Variants in DGKB observed in about 807,000 individuals in gnomAD.
DGKB encodes diacylglycerol kinase beta, also known as 90 kDa diacylglycerol kinase.
Under a neutral mutation model 114.3 loss-of-function variants are expected in DGKB, and 67 were observed. The observed-to-expected ratio is 0.59, with a 90% CI of 0.48 to 0.72. The LOEUF (loss-of-function observed/expected upper bound fraction) is 0.72, where lower values mean the gene tolerates loss of function less well. DGKB is among the 30% of genes least tolerant of loss of function. The pLI is 0.00. For synonymous variants in DGKB, 398 were observed against 323.1 expected, an observed-to-expected ratio of 1.23 and a Z score of -2.49; for missense variants, 907 against 975.2, an observed-to-expected ratio of 0.93 and a Z score of 0.93.
At chr7:14,575,937 T>C (rs1245017985) in intron 19 of DGKB, among the ~76,000 whole-genome samples, 1 of 152,140 alleles carries the variant, frequency 6.6e-6, no homozygotes, top group Non-Finnish European at 1.5e-5. Flanking sequence ...TTAAGGTGTA[T>C]CTGTTCAATT....
chr7:14,408,000 C>A (rs1319202150), intron 21 of DGKB, among the ~76,000 whole-genome samples: 1 of 152,106 alleles, frequency 6.6e-6, no homozygotes, highest in Non-Finnish European at 1.5e-5. Flanking sequence ...TCCTCACAAA[C>A]CATAAATAGC....
intron 2 of DGKB, among the ~76,000 whole-genome samples, chr7:14,783,386 C>G (rs1031901358): frequency 2.0e-5 from 3 of 152,164 alleles, no homozygotes; most frequent in East Asian, 1.9e-4. Flanking sequence ...TTACTGATCA[C>G]AAGATATTTC....
chr7:14,431,172 C>T (rs1367775), intron 21 of DGKB, among the ~76,000 whole-genome samples: 17,223 of 152,042 alleles, frequency 0.11, 1,172 homozygotes, highest in East Asian at 0.28. Flanking sequence ...TTCTGCATGA[C>T]TGATTGACTT....
chr7:14,246,621 G>A (rs1794517831), intron 23 of DGKB, among the ~76,000 whole-genome samples: 1 of 152,044 alleles, frequency 6.6e-6, no homozygotes, highest in Non-Finnish European at 1.5e-5. Flanking sequence ...AAGAAACTTT[G>A]GGTAACTTTA....
intron 20 of DGKB, among the ~76,000 whole-genome samples, chr7:14,567,091 C>A (rs1797508200): frequency 1.8e-5 from 2 of 113,706 alleles, no homozygotes; most frequent in East Asian, 2.3e-4. Flanking sequence ...AAAAATTATC[C>A]ATTTATATAT....
At chr7:14,273,466 T>C (rs1273801335) in intron 23 of DGKB, among the ~76,000 whole-genome samples, 1 of 152,218 alleles carries the variant, frequency 6.6e-6, no homozygotes, top group Admixed American at 6.5e-5. Context: ...ATGATGTACA[T>C]ATGTAGTTTA....
intron 2 of DGKB, among the ~76,000 whole-genome samples, chr7:14,837,365 T>G (rs1304740025): frequency 6.6e-6 from 1 of 152,180 alleles, no homozygotes; most frequent in Non-Finnish European, 1.5e-5. Context: ...ACAATTATCT[T>G]TATGGTATTC....
chr7:14,784,584 C>T (rs1338949992), intron 2 of DGKB, among the ~76,000 whole-genome samples: 1 of 151,936 alleles, frequency 6.6e-6, no homozygotes, highest in Non-Finnish European at 1.5e-5. Context: ...GTTATGTTGG[C>T]CAGATTAGTC....
At position 14,946,551 on chromosome 7, in the gene DGKB, A is replaced by G. The variant is rs76638372; in HGVS notation, c.-188+28145T>C. On this transcript the variant is annotated intron_variant, in intron 1 of 4. Transcript: ENST00000437998. ...CTACCTTTTAAGATAACATAGTTCA[A>G]TAACAGCATCCTTGTCCCCACTTAC... 1.1e-3 allele frequency among the ~76,000 whole-genome samples: 161 copies of G among 151,906 alleles called. 2 individuals are homozygous for G. The East Asian group carries it at 0.028, about 27-fold the overall frequency.
chr7:14,565,098 C>A (rs1797197240), intron 20 of DGKB, among the ~76,000 whole-genome samples: 1 of 152,030 alleles, frequency 6.6e-6, no homozygotes, highest in African/African-American at 2.4e-5. Flanking sequence ...ATGTGATATT[C>A]TTTGGCTAAT....
intron 17 of DGKB, among the ~76,000 whole-genome samples, chr7:14,605,457 A>T (rs1804321387): frequency 6.6e-6 from 1 of 150,912 alleles, no homozygotes. Flanking sequence ...ATATGTGTGT[A>T]TTAGATTGGG....
In DGKB at chr7:14,309,484, G is replaced by A. The variant is rs574320264; in HGVS notation, c.2122+29031C>T. 3.3e-5 allele frequency among the ~76,000 whole-genome samples: 5 copies of A among 152,294 alleles called. No individual in the cohort carries two copies. In the South Asian group the frequency reaches 1.0e-3, roughly 32 times the overall value. On this transcript the variant is annotated intron_variant, in intron 23 of 25. Coordinates refer to ENST00000402815, the MANE Select transcript of DGKB (RefSeq NM_001350709.2). ...TCAGAATCTAATCATAAAAGCAGCA[G>A]ATTTCAAAGAATTCTGGTTTATTCC...
intron 21 of DGKB, among the ~76,000 whole-genome samples, chr7:14,387,158 T>C (rs1820499984): frequency 6.6e-6 from 1 of 151,832 alleles, no homozygotes; most frequent in Admixed American, 6.6e-5. Flanking sequence ...GCGCGGTGGC[T>C]CACGCCTGTA....
chr7:14,722,321 T>C (rs1829307819), intron 5 of DGKB, among the ~76,000 whole-genome samples: 1 of 152,174 alleles, frequency 6.6e-6, no homozygotes, highest in Non-Finnish European at 1.5e-5. Flanking sequence ...GCCTTTCCCA[T>C]AGTGTCATAG....
chr7:14,774,634 A>T (rs6962160), intron 2 of DGKB, among the ~76,000 whole-genome samples: 19,449 of 152,190 alleles, frequency 0.13, 1,666 homozygotes, highest in African/African-American at 0.25. Flanking sequence ...TCTCAACCTT[A>T]GAATATATAT....
intron 23 of DGKB, chr7:14,191,781 G>T (rs1244017689): frequency 5.8e-6 from 2 of 342,976 alleles, no homozygotes; most frequent in Non-Finnish European, 1.2e-5. Flanking sequence ...GAAACAAATG[G>T]CTTTCCTACT....
At chr7:14,866,060 G>A (rs1851666201) in intron 1 of DGKB, among the ~76,000 whole-genome samples, 1 of 152,144 alleles carries the variant, frequency 6.6e-6, no homozygotes, top group Non-Finnish European at 1.5e-5. Context: ...CAACACAAGA[G>A]TCCTGGCTAA....
intron 2 of DGKB, among the ~76,000 whole-genome samples, chr7:14,758,249 T>C (rs961169688): frequency 6.6e-6 from 1 of 152,104 alleles, no homozygotes; most frequent in African/African-American, 2.4e-5. Flanking sequence ...AAAAGAATTA[T>C]AAATTATTTT....
chr7:14,671,021 T>G (rs941881657), intron 13 of DGKB, among the ~76,000 whole-genome samples: 1 of 152,194 alleles, frequency 6.6e-6, no homozygotes, highest in Non-Finnish European at 1.5e-5. Flanking sequence ...TAAATAATAA[T>G]ATATCGGGTA....
Sources: gnomAD v4.1 joint callset for allele counts (sites outside exome capture counted in the v4.1 genomes callset) on GRCh38, gnomAD v4.1.1 for gene constraint, MANE v1.5 for transcripts, NCBI Gene and HGNC (gene_info 2026-07-23, HGNC 2026-07-21) for gene names.